The following FAXDC2 variants were observed in gnomAD, a reference collection of about 807,000 sequenced individuals.
FAXDC2 encodes the protein fatty acid hydroxylase domain containing 2.
A neutral mutation model predicts 40.9 loss-of-function variants in FAXDC2; 41 were observed. The ratio of observed to expected loss-of-function variants is 1.00; its 90% CI spans 0.78 to 1.30. FAXDC2 has a LOEUF of 1.30. Among genes scored for constraint, FAXDC2 ranks in the 50% most tolerant of loss-of-function variants. FAXDC2 has a pLI of 0.00. For synonymous variants in FAXDC2, 157 were observed against 149.3 expected, an observed-to-expected ratio of 1.05 and a Z score of -0.38; for missense variants, 390 against 408.8, an observed-to-expected ratio of 0.95 and a Z score of 0.40.
chr5:154,820,630 C>T (rs779733110), intron 8 of FAXDC2, 158 bp from the exon 9 acceptor site: 4 of 571,720 alleles, frequency 7.0e-6, no homozygotes, highest in African/African-American at 2.0e-5. Flanking sequence ...GGAGTTGCTA[C>T]CAATGCATCT....
At chr5:154,831,451 G>GT (rs1270579241) in intron 4 of FAXDC2, among the ~76,000 whole-genome samples, 21 of 148,342 alleles carry the variant, frequency 1.4e-4, no homozygotes, top group African/African-American at 5.1e-4. Context: ...TTTGTTGTTT[G>GT]TTTGTTTGTT....
At chr5:154,827,451 G>GTGTGTGTGTA (rs1760069155) in intron 5 of FAXDC2, among the ~76,000 whole-genome samples, 1 of 151,646 alleles carries the variant, frequency 6.6e-6, no homozygotes, top group African/African-American at 2.4e-5. Context: ...GTGTGTGTGT[G>GTGTGTGTGTA]TGTGTGTGTA....
At chr5:154,837,996 T>G in intron 2 of FAXDC2, 135 bp downstream of exon 2, 1 of 650,366 alleles carries the variant, frequency 1.5e-6, no homozygotes, top group Non-Finnish European at 2.8e-6. Context: ...GCTCAGTTAC[T>G]GAAAATGAAG....
chr5:154,833,099 C>A (rs1326052560), intron 4 of FAXDC2, among the ~76,000 whole-genome samples: 1 of 151,512 alleles, frequency 6.6e-6, no homozygotes, highest in Non-Finnish European at 1.5e-5. Context: ...TGCAGTGGTG[C>A]TATCTCAGCT....
chr5:154,828,637 C>T (rs1408716243), intron 5 of FAXDC2, among the ~76,000 whole-genome samples: 1 of 151,560 alleles, frequency 6.6e-6, no homozygotes, highest in Non-Finnish European at 1.5e-5. Flanking sequence ...CACTCTGTCT[C>T]CCAGGCTGGA....
At chr5:154,845,762 T>G (rs375827351) in intron 1 of FAXDC2, among the ~76,000 whole-genome samples, 2 of 151,052 alleles carry the variant, frequency 1.3e-5, no homozygotes, top group Non-Finnish European at 2.9e-5. Context: ...CAGAGGTATT[T>G]AGTATTTGGC....
At chr5:154,834,350 T>G (rs1760265569) in intron 4 of FAXDC2, among the ~76,000 whole-genome samples, 1 of 152,180 alleles carries the variant, frequency 6.6e-6, no homozygotes, top group Admixed American at 6.5e-5. Context: ...AACAGGATTA[T>G]TGCTCTAAAT....
chr5:154,837,208 G>A (rs1760369978), intron 2 of FAXDC2, among the ~76,000 whole-genome samples: 1 of 151,844 alleles, frequency 6.6e-6, no homozygotes, highest in Non-Finnish European at 1.5e-5. Flanking sequence ...ATTCTCTCAC[G>A]TGCACACACT....
intron 1 of FAXDC2, among the ~76,000 whole-genome samples, chr5:154,849,728 T>A (rs1190145520): frequency 1.3e-5 from 2 of 152,194 alleles, no homozygotes; most frequent in Admixed American, 1.3e-4. Context: ...TAATTGGAAT[T>A]GCACATGAAA....
chr5:154,818,949 C>G lies in FAXDC2; in HGVS notation c.*1367G>C, dbSNP rs771358989. The G allele has an allele frequency of 1.3e-5, 2 of 152,222 alleles. No homozygotes were observed. The highest frequency in any genetic ancestry group is 2.9e-5 in the Non-Finnish European group (2 of 68,108). 9.4% of individuals were successfully genotyped at this position (152,222 alleles called of 1,614,324 possible). On this transcript the variant is annotated 3_prime_UTR_variant, in exon 9 of 9. Transcript: ENST00000326080. The stretch of plus-strand genomic sequence containing the variant: ...TCCACCAAGGCCAGAGACAGACAGG[C>G]GAGACTGTGGAAGGCCAGGGAGATG...
chr5:154,827,021 A>T (rs1760054836), intron 5 of FAXDC2, among the ~76,000 whole-genome samples: 2 of 152,160 alleles, frequency 1.3e-5, no homozygotes, highest in South Asian at 4.2e-4. Context: ...GAGTAGACAG[A>T]TGGCCGGGCG....
chr5:154,833,778 C>T (rs1007613169), intron 4 of FAXDC2, among the ~76,000 whole-genome samples: 1 of 151,990 alleles, frequency 6.6e-6, no homozygotes, highest in African/African-American at 2.4e-5. Flanking sequence ...GTGATTCTCC[C>T]TGCCTCAGCC....
At chr5:154,827,090 A>T (rs1041470965) in intron 5 of FAXDC2, among the ~76,000 whole-genome samples, 2 of 152,286 alleles carry the variant, frequency 1.3e-5, no homozygotes, top group East Asian at 3.9e-4. Context: ...GGATCACCTG[A>T]GGCCAGGAGT....
chr5:154,832,231 T>G (rs1760211069), intron 4 of FAXDC2, among the ~76,000 whole-genome samples: 1 of 151,550 alleles, frequency 6.6e-6, no homozygotes, highest in Non-Finnish European at 1.5e-5. Flanking sequence ...TTTTTTTTTT[T>G]GAGACAGAGT....
At position 154,820,193 on chromosome 5, in the gene FAXDC2, TCTACC is replaced by T. The variant is rs1469394757; in HGVS notation, c.*118_*122del. The T allele has an allele frequency of 5.1e-6, 4 of 781,590 alleles. No homozygotes were observed. The highest frequency in any genetic ancestry group is 2.3e-4 in the Middle Eastern group (1 of 4,268). 48.4% of individuals were successfully genotyped at this position (781,590 alleles called of 1,614,324 possible). On this transcript the variant is annotated 3_prime_UTR_variant, in exon 9 of 9. Coordinates refer to ENST00000326080, the MANE Select transcript of FAXDC2 (RefSeq NM_032385.5). ...GCTTTTCCGGGAAGCCGACCTTCCCTCTACCCTGGTGGTGCCATCATTAGGGCGTG... is the reference window on the plus strand; with the variant it reads ...GCTTTTCCGGGAAGCCGACCTTCCCTCTGGTGGTGCCATCATTAGGGCGTG...
Position 154,823,026 on chromosome 5 carries a change from C to A in FAXDC2, c.572+361G>T, listed in dbSNP as rs1759927434. Among the ~76,000 whole-genome samples, 3 of 151,724 alleles carry A rather than the reference C, an allele frequency of 2.0e-5. No individual in the cohort carries two copies. In the South Asian group the frequency reaches 6.2e-4, roughly 32 times the overall value. ...AAGCCTGTTCCCTTTTATTTTTTTT[C>A]TTTGAGACAAGGTCTTGCTCTTTCG... On this transcript the variant is annotated intron_variant, in intron 6 of 8. Coordinates refer to ENST00000326080, the MANE Select transcript of FAXDC2 (RefSeq NM_032385.5).
chr5:154,826,495 C>T (rs1339942256), intron 5 of FAXDC2, among the ~76,000 whole-genome samples: 4 of 147,302 alleles, frequency 2.7e-5, no homozygotes, highest in Admixed American at 6.9e-5. Flanking sequence ...CGCCATTGTA[C>T]TCCAGCCTGA....
Position 154,838,186 on chromosome 5 carries a change from G to C in FAXDC2, c.1-8C>G, listed in dbSNP as rs373182828. 6.2e-6 allele frequency: 10 copies of C among 1,613,104 alleles called. No individual in the cohort carries two copies. In the African/African-American group the frequency reaches 1.3e-4, roughly 22 times the overall value. On this transcript the variant is annotated splice_polypyrimidine_tract_variant and splice_region_variant and intron_variant, in intron 1 of 8. Transcript: ENST00000326080. ...TCCAGCTTCTCCTTTCATCTGGAAT[G>C]AGAAAGCACAGGCGAGCCGGGGAGT...
chr5:154,824,886 TGAGA>T (rs1759982467), intron 5 of FAXDC2, among the ~76,000 whole-genome samples: 3 of 150,998 alleles, frequency 2.0e-5, no homozygotes, highest in Non-Finnish European at 1.5e-5. Flanking sequence ...GCCAGGAATT[TGAGA>T]GCAGCCTTGG....
Sources: gnomAD v4.1 joint callset for allele counts (sites outside exome capture counted in the v4.1 genomes callset) on GRCh38, gnomAD v4.1.1 for gene constraint, MANE v1.5 for transcripts, NCBI Gene and HGNC (gene_info 2026-07-23, HGNC 2026-07-21) for gene names.